The following NDUFS5 variants were observed in gnomAD, a reference collection of about 807,000 sequenced individuals.
The protein encoded by NDUFS5 is NADH:ubiquinone oxidoreductase subunit S5, also known as NADH dehydrogenase [ubiquinone] iron-sulfur protein 5.
In NDUFS5, 7 loss-of-function variants were observed where a neutral mutation model predicts 10.5. The ratio of observed to expected loss-of-function variants is 0.66; its 90% CI spans 0.38 to 1.25. NDUFS5 has a LOEUF of 1.25. NDUFS5 is among the 50% of genes most tolerant of loss of function. The pLI, the probability that NDUFS5 is intolerant of heterozygous loss-of-function variation, is 0.02. For missense variants in NDUFS5, 148 were observed against 140.7 expected (o/e 1.05, Z -0.26); for synonymous variants, 38 against 44.0 (o/e 0.86, Z 0.54).
intron 2 of NDUFS5, among the ~76,000 whole-genome samples, chr1:39,032,466 C>T (rs1644195946): frequency 6.6e-6 from 1 of 152,066 alleles, no homozygotes; most frequent in African/African-American, 2.4e-5. Context: ...GTTATATCAA[C>T]ACTACTTCTT....
At position 39,028,802 on chromosome 1, in the gene NDUFS5, C is replaced by G. The variant is rs1292940272; in HGVS notation, c.78C>G (p.Pro26=). 6.2e-7 allele frequency: 1 copy of G among 1,614,014 alleles called. No individual in the cohort carries two copies. The highest frequency in any genetic ancestry group is 8.5e-7 in the Non-Finnish European group (1 of 1,180,022). ...TGACAATCCAGAGTGGTGAACAGCC[C>G]TACAAGATGGCTGGTCGATGCCATG... ...RWLTIQSGEQ[P]YKMAGRCHAF... is the part of the protein sequence containing the mutation. Residue 26 remains proline, a synonymous_variant, in exon 2 of 3, where the codon CCC becomes CCG. Coordinates refer to ENST00000372969, the MANE Select transcript of NDUFS5 (RefSeq NM_004552.3).
intron 2 of NDUFS5, among the ~76,000 whole-genome samples, chr1:39,033,389 T>C (rs1002063798): frequency 1.3e-4 from 19 of 151,370 alleles, no homozygotes; most frequent in Middle Eastern, 3.4e-3. Context: ...CTGGCTAACA[T>C]GGTGAAACCC....
At chr1:39,030,407 G>GAAA (rs35007555) in intron 2 of NDUFS5, among the ~76,000 whole-genome samples, 1 of 133,766 alleles carries the variant, frequency 7.5e-6, no homozygotes, top group East Asian at 2.3e-4. Flanking sequence ...TCCGTCTCAA[G>GAAA]AAAAAAAAAA....
In NDUFS5 at chr1:39,029,025, T is replaced by C; in HGVS notation, c.216+85T>C. 3 of 1,251,488 alleles carry C rather than the reference T, an allele frequency of 2.4e-6. No homozygotes were observed. The South Asian group carries it at 4.2e-5, about 18-fold the overall frequency. 77.5% of individuals were successfully genotyped at this position (1,251,488 alleles called of 1,614,324 possible). A position where few individuals can be genotyped will look rare whatever the true frequency, so the allele number is the denominator to read the frequency against. On this transcript the variant is annotated intron_variant, in intron 2 of 2. Transcript: ENST00000372969. ...TTTTTTTTTTGAGACGAAGTCTCACTCTTGTCCCCTAGGCTGGTGTGTGAT... is the reference window on the plus strand; with the variant it reads ...TTTTTTTTTTGAGACGAAGTCTCACCCTTGTCCCCTAGGCTGGTGTGTGAT...
At chr1:39,027,442 C>T (rs1203505786) in intron 1 of NDUFS5, among the ~76,000 whole-genome samples, 1 of 152,088 alleles carries the variant, frequency 6.6e-6, no homozygotes, top group Non-Finnish European at 1.5e-5. Context: ...CGCTTCCTTT[C>T]AGTCATTTTA....
intron 2 of NDUFS5, among the ~76,000 whole-genome samples, chr1:39,033,388 A>G (rs563550994): frequency 6.6e-6 from 1 of 151,752 alleles, no homozygotes; most frequent in Non-Finnish European, 1.5e-5. Flanking sequence ...CCTGGCTAAC[A>G]TGGTGAAACC....
rs766927753 is a variant in NDUFS5 at position 39,034,512 on chromosome 1, A to G, written c.*16A>G. Reference sequence around the variant, plus strand: ...TCGGCCCTGAACAGAGCAGCTGCTGATGTCTGGAGGCTGATTTTCCTGTTC... The same window carrying G: ...TCGGCCCTGAACAGAGCAGCTGCTGGTGTCTGGAGGCTGATTTTCCTGTTC... On this transcript the variant is annotated 3_prime_UTR_variant, in exon 3 of 3. Transcript: ENST00000372969. The G allele has an allele frequency of 4.4e-6, 7 of 1,608,592 alleles. No homozygotes were observed. The South Asian group carries it at 7.7e-5, about 18-fold the overall frequency.
intron 2 of NDUFS5, 68 bp downstream of exon 2, chr1:39,029,008 T>TTG: frequency 7.0e-7 from 1 of 1,433,344 alleles, no homozygotes; most frequent in Non-Finnish European, 9.5e-7. Flanking sequence ...TTTTTTTTTT[T>TTG]TGAGACGAAG....
intron 2 of NDUFS5, among the ~76,000 whole-genome samples, chr1:39,034,139 T>C (rs1008220986): frequency 4.6e-5 from 7 of 152,174 alleles, no homozygotes; most frequent in Non-Finnish European, 1.0e-4. Flanking sequence ...TTTGCAAATA[T>C]CCATATTGCT....
chr1:39,029,144 C>T (rs540735145), intron 2 of NDUFS5, among the ~76,000 whole-genome samples: 2 of 152,150 alleles, frequency 1.3e-5, no homozygotes, highest in African/African-American at 2.4e-5. Context: ...AGGCACCTGC[C>T]ACCACGCCTG....
intron 2 of NDUFS5, among the ~76,000 whole-genome samples, chr1:39,030,404 C>G (rs983798946): frequency 3.6e-5 from 3 of 83,460 alleles, no homozygotes; most frequent in Non-Finnish European, 9.4e-5. Context: ...GACTCCGTCT[C>G]AAGAAAAAAA....
rs75416008 is a variant in NDUFS5 at position 39,029,202 on chromosome 1, A to T, written c.216+262A>T. Among the ~76,000 whole-genome samples, 4 of 152,170 alleles carry T rather than the reference A, an allele frequency of 2.6e-5. No homozygotes were observed. The East Asian group carries it at 7.7e-4, about 29-fold the overall frequency. On this transcript the variant is annotated intron_variant, in intron 2 of 2. Transcript: ENST00000372969. ...GAAACGGGATTTCACCATGCTGGCC[A>T]GGCTGGTCTTGAACTCCAGACCTCA... is the stretch of plus-strand genomic sequence containing the variant.
intron 2 of NDUFS5, among the ~76,000 whole-genome samples, chr1:39,030,993 C>T (rs947231467): frequency 5.3e-5 from 8 of 152,102 alleles, no homozygotes; most frequent in Non-Finnish European, 1.0e-4. Flanking sequence ...CTTCAGCCTC[C>T]CAAGTAGCTG....
At chr1:39,029,785 T>G (rs1253086736) in intron 2 of NDUFS5, among the ~76,000 whole-genome samples, 1 of 152,126 alleles carries the variant, frequency 6.6e-6, no homozygotes, top group Non-Finnish European at 1.5e-5. Flanking sequence ...AGCTTAGTGT[T>G]CACCTCCTCA....
At chr1:39,031,719 G>T (rs1232849735) in intron 2 of NDUFS5, among the ~76,000 whole-genome samples, 1 of 152,156 alleles carries the variant, frequency 6.6e-6, no homozygotes, top group Non-Finnish European at 1.5e-5. Flanking sequence ...GTGAATTTAT[G>T]AATAGATAAG....
intron 2 of NDUFS5, among the ~76,000 whole-genome samples, chr1:39,031,221 C>T (rs1422309322): frequency 2.0e-5 from 3 of 151,786 alleles, no homozygotes; most frequent in Non-Finnish European, 2.9e-5. Context: ...CTTGTGTTGC[C>T]CAGGCTGGTC....
intron 1 of NDUFS5, among the ~76,000 whole-genome samples, chr1:39,028,517 A>G (rs1644168372): frequency 6.6e-6 from 1 of 152,126 alleles, no homozygotes; most frequent in East Asian, 1.9e-4. Flanking sequence ...TTGAGTTTTG[A>G]AAAAGCGCAA....
At chr1:39,032,545 TA>T (rs1240339698) in intron 2 of NDUFS5, among the ~76,000 whole-genome samples, 5 of 151,748 alleles carry the variant, frequency 3.3e-5, no homozygotes, top group African/African-American at 1.2e-4. Context: ...AGTCATTGGT[TA>T]AAAAAATTAT....
At chr1:39,026,745 C>G (rs1644151349) in intron 1 of NDUFS5, among the ~76,000 whole-genome samples, 1 of 152,256 alleles carries the variant, frequency 6.6e-6, no homozygotes, top group Non-Finnish European at 1.5e-5. Flanking sequence ...TTTTCACCGT[C>G]ATGCACGCTG....
Sources: allele counts gnomAD v4.1 joint callset (sites outside exome capture counted in the v4.1 genomes callset), GRCh38; gene constraint gnomAD v4.1.1; transcripts MANE v1.5; gene names NCBI Gene and HGNC (gene_info 2026-07-23, HGNC 2026-07-21).